DPP4: variants seen among roughly 807,000 people sequenced by gnomAD.
DPP4 encodes the protein dipeptidyl peptidase 4.
DPP4 carries 93 observed loss-of-function variants against 122.4 expected under a neutral mutation model. The ratio of observed to expected loss-of-function variants is 0.76; its 90% CI spans 0.64 to 0.90. The LOEUF is 0.90. DPP4 is among the 40% of genes least tolerant of loss of function. DPP4 has a pLI of 0.00. For synonymous variants in DPP4, 321 were observed against 302.9 expected (o/e 1.06, Z -0.62); for missense variants, 914 against 907.3 (o/e 1.01, Z -0.09).
intron 5 of DPP4, among the ~76,000 whole-genome samples, chr2:162,041,490 C>T (rs994568028): frequency 5.9e-5 from 9 of 152,104 alleles, no homozygotes; most frequent in Non-Finnish European, 1.2e-4. Context: ...AGTCAGAGTT[C>T]CTAACCTTAA....
In DPP4 at chr2:162,047,386, C is replaced by G. The variant is rs1182374660; in HGVS notation, c.193+17G>C. On this transcript the variant is annotated intron_variant, in intron 3 of 25. Coordinates refer to ENST00000360534, the MANE Select transcript of DPP4 (RefSeq NM_001935.4). ...GAATGTAAGCATAAAATCTGCCCTA[C>G]CCCAAAAAATTCTTACCTGAAATCC... is the stretch of plus-strand genomic sequence containing the variant. 1.4e-6 allele frequency: 2 copies of G among 1,470,040 alleles called. No individual in the cohort carries two copies. Among genetic ancestry groups the G allele is most frequent in the Admixed American group, 3.5e-5 (2 of 56,766 alleles). 91.1% of individuals were successfully genotyped at this position (1,470,040 alleles called of 1,614,324 possible).
chr2:162,037,614 G>A (rs891843578), intron 8 of DPP4, among the ~76,000 whole-genome samples: 1 of 152,080 alleles, frequency 6.6e-6, no homozygotes, highest in Non-Finnish European at 1.5e-5. Context: ...GAACAGTTTG[G>A]AGCAGCCTCA....
At chr2:162,033,895 C>A (rs867429658) in intron 9 of DPP4, among the ~76,000 whole-genome samples, 178 of 70,792 alleles carry the variant, frequency 2.5e-3, no homozygotes, top group African/African-American at 9.1e-3. Flanking sequence ...TATATATATA[C>A]ACACTATATA....
chr2:162,037,875 C>T (rs1576056406), intron 8 of DPP4, among the ~76,000 whole-genome samples: 1 of 152,140 alleles, frequency 6.6e-6, no homozygotes, highest in East Asian at 1.9e-4. Context: ...TAGGCATTTT[C>T]TTCCCCTGTA....
At chr2:162,028,940 C>T (rs2268888) in intron 10 of DPP4, among the ~76,000 whole-genome samples, 6,849 of 152,322 alleles carry the variant, frequency 0.045, 377 homozygotes, top group East Asian at 0.26. Flanking sequence ...TTCATACTCG[C>T]TCCCTCTATG....
At chr2:161,999,434 G>A (rs1271900704) in intron 23 of DPP4, among the ~76,000 whole-genome samples, 1 of 152,192 alleles carries the variant, frequency 6.6e-6, no homozygotes, top group African/African-American at 2.4e-5. Flanking sequence ...CTACTAAAAA[G>A]GAAACTCAGA....
At chr2:162,040,982 C>G (rs944107431) in intron 5 of DPP4, among the ~76,000 whole-genome samples, 1 of 151,850 alleles carries the variant, frequency 6.6e-6, no homozygotes, top group East Asian at 1.9e-4. Flanking sequence ...CACATGGTAT[C>G]ATTGAGTGAG....
At chr2:162,045,843 C>T (rs1576062322) in intron 4 of DPP4, among the ~76,000 whole-genome samples, 1 of 152,144 alleles carries the variant, frequency 6.6e-6, no homozygotes, top group East Asian at 1.9e-4. Context: ...AAGATGCCTG[C>T]GAGAGTGAGG....
In DPP4 at chr2:162,030,738, C is replaced by T. The variant is rs556735858; in HGVS notation, c.887+2803G>A. 1.1e-4 allele frequency among the ~76,000 whole-genome samples: 17 copies of T among 152,156 alleles called. 1 individual carries two copies. The highest frequency in any genetic ancestry group is 6.2e-4 in the South Asian group (3 of 4,810). On this transcript the variant is annotated intron_variant, in intron 10 of 25. Transcript: ENST00000360534. The stretch of plus-strand genomic sequence containing the variant: ...ACAGAGACCAGAGCTATATTTTAAC[C>T]GCAACCTTACCAGCGTTAACAGAGA...
chr2:162,061,006 C>CTCCTTCCT (rs1235608036), intron 2 of DPP4, among the ~76,000 whole-genome samples: 26 of 81,534 alleles, frequency 3.2e-4, no homozygotes, highest in South Asian at 2.0e-3. Context: ...CCCTCCCTCC[C>CTCCTTCCT]TCCTTCCTTC....
chr2:162,068,387 T>A (rs1399840357), intron 2 of DPP4, among the ~76,000 whole-genome samples: 1 of 152,240 alleles, frequency 6.6e-6, no homozygotes, highest in African/African-American at 2.4e-5. Context: ...AGAGTCACAT[T>A]GCCTGAGTAT....
chr2:162,018,679 AAGTG>A (rs1683006262), intron 16 of DPP4, 46 bp downstream of exon 16: 1 of 1,594,220 alleles, frequency 6.3e-7, no homozygotes, highest in Non-Finnish European at 8.5e-7. Context: ...AGCTGCTTCG[AAGTG>A]AGTAACAGCG....
Position 162,038,290 on chromosome 2 carries a change from T to C in DPP4, c.613+12A>G, listed in dbSNP as rs1683856660. The C allele has an allele frequency of 1.3e-6, 2 of 1,537,436 alleles. No individual in the cohort carries two copies. The highest frequency in any genetic ancestry group is 1.7e-6 in the Non-Finnish European group (2 of 1,148,270). On this transcript the variant is annotated intron_variant, in intron 8 of 25. Transcript: ENST00000360534. ...TAGATTTTCTGATTTGAAAAAGCTT[T>C]AAAGTTTCTACCTTCATAAACCCAG...
intron 2 of DPP4, among the ~76,000 whole-genome samples, chr2:162,048,510 C>T (rs373620753): frequency 1.3e-5 from 2 of 152,152 alleles, no homozygotes; most frequent in African/African-American, 2.4e-5. Context: ...CAGCCCTCCA[C>T]GACCGACACA....
intron 16 of DPP4, chr2:162,017,465 A>C (rs558654885): frequency 2.9e-5 from 8 of 277,804 alleles, no homozygotes; most frequent in African/African-American, 1.8e-4. Flanking sequence ...CTCATCTGCA[A>C]AGTAAAATGT....
chr2:161,993,985 T>C (rs1010395683), intron 25 of DPP4, among the ~76,000 whole-genome samples: 5 of 152,250 alleles, frequency 3.3e-5, no homozygotes, highest in African/African-American at 4.8e-5. Context: ...TTTAAACTGG[T>C]ATTTTAAGAA....
intron 5 of DPP4, among the ~76,000 whole-genome samples, chr2:162,044,106 C>T (rs1489825783): frequency 6.6e-6 from 1 of 152,160 alleles, no homozygotes; most frequent in South Asian, 2.1e-4. Context: ...AACCTGGACA[C>T]TGGGAAGTTT....
chr2:162,019,327 CAG>C (rs749193868), intron 14 of DPP4, 51 bp from the exon 15 acceptor site: 1 of 1,300,850 alleles, frequency 7.7e-7, no homozygotes, highest in Non-Finnish European at 1.1e-6. Flanking sequence ...TTTAAGAAGT[CAG>C]AGGCGATCCA....
At position 162,070,681 on chromosome 2, in the gene DPP4, T is replaced by A. The variant is rs77984564; in HGVS notation, c.94+2718A>T. 1.2e-4 allele frequency among the ~76,000 whole-genome samples: 19 copies of A among 152,300 alleles called. No homozygotes were observed. The East Asian group carries it at 3.7e-3, about 29-fold the overall frequency. On this transcript the variant is annotated intron_variant, in intron 2 of 25. Coordinates refer to ENST00000360534, the MANE Select transcript of DPP4 (RefSeq NM_001935.4). The stretch of plus-strand genomic sequence containing the variant: ...GCATTTCTTGGGTGATGACTTTGAC[T>A]TTTTTGTAAGGAATGCTGACCTTTA...
Sources: allele counts gnomAD v4.1 joint callset (sites outside exome capture counted in the v4.1 genomes callset), GRCh38; gene constraint gnomAD v4.1.1; transcripts MANE v1.5; gene names NCBI Gene and HGNC (gene_info 2026-07-23, HGNC 2026-07-21).